LUC7L2: variants seen among roughly 807,000 people sequenced by gnomAD.
The protein encoded by LUC7L2 is putative RNA-binding protein Luc7-like 2.
A neutral mutation model predicts 52.8 loss-of-function variants in LUC7L2; 25 were observed. The observed-to-expected ratio is 0.47, with a 90% CI of 0.34 to 0.66. The LOEUF (loss-of-function observed/expected upper bound fraction) is 0.66. Ranked by LOEUF, LUC7L2 falls within the 30% of genes least tolerant of loss-of-function variation. The probability of loss-of-function intolerance (pLI) is 0.01; values close to 1 mark genes in which losing one functional copy is unlikely to be tolerated. For missense variants in LUC7L2, 328 were observed against 497.8 expected (o/e 0.66, Z 3.25); for synonymous variants, 144 against 160.9 (o/e 0.89, Z 0.80).
Position 139,360,230 on chromosome 7 carries a change from AC to A in LUC7L2, c.-27del, listed in dbSNP as rs1438073145. 6.8e-7 allele frequency: 1 copy of A among 1,481,300 alleles called. No homozygotes were observed. 91.8% of individuals were successfully genotyped at this position (1,481,300 alleles called of 1,614,324 possible). On this transcript the variant is annotated 5_prime_UTR_variant, in exon 1 of 10. Transcript: ENST00000354926. ...CCCAAAAGGGCCCGGTCTGCGCCCC[AC>A]CCCCGCCCGTCCGCCCGCTACGCCG...
Position 139,417,923 on chromosome 7 carries a change from T to C in LUC7L2, c.1001+194T>C, listed in dbSNP as rs186832663. 1.7e-3 allele frequency among the ~76,000 whole-genome samples: 262 copies of C among 152,360 alleles called. 2 individuals carry two copies. The highest frequency in any genetic ancestry group is 5.8e-3 in the African/African-American group (242 of 41,584). ...GGGTAGTTTTGAAAGAATATACTTA[T>C]GAGCCAGAGCAAGAAATTGGAACCA... On this transcript the variant is annotated intron_variant, in intron 9 of 9. Transcript: ENST00000354926.
intron 6 of LUC7L2, among the ~76,000 whole-genome samples, chr7:139,409,301 TA>T (rs1001072650): frequency 9.2e-4 from 117 of 127,728 alleles, no homozygotes; most frequent in African/African-American, 2.4e-3. Context: ...TGTTTTCACT[TA>T]AAAAAAAAAA....
chr7:139,365,779 CTT>C (rs1390233456), intron 1 of LUC7L2, among the ~76,000 whole-genome samples: 1 of 152,142 alleles, frequency 6.6e-6, no homozygotes, highest in Admixed American at 6.6e-5. Flanking sequence ...TTTGGCATAA[CTT>C]AATCTACTAA....
At chr7:139,377,201 A>G (rs925300360) in intron 2 of LUC7L2, among the ~76,000 whole-genome samples, 3 of 151,956 alleles carry the variant, frequency 2.0e-5, no homozygotes, top group African/African-American at 4.8e-5. Context: ...TAAACTCTTT[A>G]TTTATTTATT....
At chr7:139,349,622 C>G (rs897087237) in intron 1 of LUC7L2, among the ~76,000 whole-genome samples, 18 of 151,166 alleles carry the variant, frequency 1.2e-4, no homozygotes, top group African/African-American at 2.2e-4. Flanking sequence ...GCTCCCCCCC[C>G]CCCCACCGGA....
chr7:139,375,801 A>C, intron 1 of LUC7L2: 1 of 356,148 alleles, frequency 2.8e-6, no homozygotes. Flanking sequence ...CTAAAATCCT[A>C]TGCTTTTCTG....
At chr7:139,368,116 G>T (rs1800257809) in intron 1 of LUC7L2, among the ~76,000 whole-genome samples, 1 of 152,194 alleles carries the variant, frequency 6.6e-6, no homozygotes, top group African/African-American at 2.4e-5. Flanking sequence ...CCTGCACATG[G>T]TGTTCTGTAT....
chr7:139,395,108 G>A (rs1162907607), intron 2 of LUC7L2, among the ~76,000 whole-genome samples: 12 of 152,174 alleles, frequency 7.9e-5, no homozygotes. Context: ...ATAGAATGTA[G>A]CATCATGTGA....
intron 6 of LUC7L2, among the ~76,000 whole-genome samples, chr7:139,408,572 A>G (rs1199494927): frequency 4.6e-5 from 7 of 152,206 alleles, no homozygotes. Flanking sequence ...GGCTAGGCGC[A>G]GTGGCTCACG....
intron 1 of LUC7L2, chr7:139,371,486 T>C: frequency 6.5e-7 from 1 of 1,549,958 alleles, no homozygotes; most frequent in Non-Finnish European, 8.7e-7. Context: ...TTTGATGTTT[T>C]TAAAATAGCA....
At chr7:139,415,059 T>TG (rs1795529500) in intron 8 of LUC7L2, among the ~76,000 whole-genome samples, 3 of 142,266 alleles carry the variant, frequency 2.1e-5, no homozygotes, top group South Asian at 2.4e-4. Context: ...GCTAAGTTTT[T>TG]TTTTTTTTTT....
chr7:139,402,633 G>A (rs1000934603), intron 4 of LUC7L2, among the ~76,000 whole-genome samples: 6 of 152,046 alleles, frequency 3.9e-5, no homozygotes, highest in African/African-American at 1.2e-4. Flanking sequence ...CTCAAGTCTC[G>A]TGCCTCAGCC....
intron 2 of LUC7L2, among the ~76,000 whole-genome samples, chr7:139,376,725 A>T (rs772573140): frequency 6.6e-6 from 1 of 152,168 alleles, no homozygotes; most frequent in Non-Finnish European, 1.5e-5. Context: ...ATGATGATGG[A>T]CCTGTTGGAA....
chr7:139,409,439 G>T, intron 6 of LUC7L2, 124 bp from the exon 7 acceptor site: 1 of 1,188,238 alleles, frequency 8.4e-7, no homozygotes, highest in Non-Finnish European at 1.1e-6. Flanking sequence ...ACTTCAAATT[G>T]AATTATTAAA....
chr7:139,374,950 A>C, intron 1 of LUC7L2: 1 of 988,124 alleles, frequency 1.0e-6, no homozygotes, highest in Non-Finnish European at 1.2e-6. Context: ...CAGGCATATC[A>C]TGTGAAATAC....
At chr7:139,341,361 C>T (rs781571120) in intron 1 of LUC7L2, 11 of 1,595,640 alleles carry the variant, frequency 6.9e-6, no homozygotes, top group Middle Eastern at 1.7e-4. Flanking sequence ...CCGTTGGGCA[C>T]CACGCTCGGA....
intron 7 of LUC7L2, 25 bp downstream of exon 7, chr7:139,409,679 T>A: frequency 6.4e-7 from 1 of 1,569,802 alleles, no homozygotes; most frequent in African/African-American, 1.4e-5. Flanking sequence ...GCCAAGTAAT[T>A]GAAGTTGAAT....
intron 2 of LUC7L2, among the ~76,000 whole-genome samples, chr7:139,380,468 C>T: frequency 6.6e-6 from 1 of 151,874 alleles, no homozygotes; most frequent in African/African-American, 2.4e-5. Context: ...GGCATGGTGG[C>T]AGGTGCCTGT....
Position 139,383,536 on chromosome 7 carries a change from C to T in LUC7L2, c.156+7380C>T, listed in dbSNP as rs903808679. Among the ~76,000 whole-genome samples, 10 of 151,896 alleles carry T rather than the reference C, an allele frequency of 6.6e-5. No individual in the cohort carries two copies. The South Asian group carries it at 8.3e-4, about 13-fold the overall frequency. ...AAGCAATTCTCCTGCCTCAGCCTCC[C>T]GAGTAGCTGGGATTAGAGGTGCTGC... On this transcript the variant is annotated intron_variant, in intron 2 of 9. Coordinates refer to ENST00000354926, the MANE Select transcript of LUC7L2 (RefSeq NM_016019.5).
Sources: allele counts gnomAD v4.1 joint callset (sites outside exome capture counted in the v4.1 genomes callset), GRCh38; gene constraint gnomAD v4.1.1; transcripts MANE v1.5; gene names NCBI Gene and HGNC (gene_info 2026-07-23, HGNC 2026-07-21).